The following HERC1 variants were observed in gnomAD, a reference collection of about 807,000 sequenced individuals.
HERC1 encodes HECT and RLD domain containing E3 ubiquitin protein ligase family member 1.
Under a neutral mutation model 554.3 loss-of-function variants are expected in HERC1, and 160 were observed. The observed-to-expected ratio is 0.29, with a 90% CI of 0.25 to 0.33. The LOEUF (loss-of-function observed/expected upper bound fraction) is 0.33, where lower values mean the gene tolerates loss of function less well. Ranked by LOEUF, HERC1 falls within the 10% of genes least tolerant of loss-of-function variation. The probability of loss-of-function intolerance (pLI) is 1.00; values close to 1 mark genes in which losing one functional copy is unlikely to be tolerated. For missense variants in HERC1, 4,919 were observed against 5,918.5 expected, an observed-to-expected ratio of 0.83 and a Z score of 5.54; for synonymous variants, 2,175 against 2,131.7, an observed-to-expected ratio of 1.02 and a Z score of -0.56.
At chr15:63,705,205 G>A (rs77844337) in intron 25 of HERC1, among the ~76,000 whole-genome samples, 2,648 of 152,134 alleles carry the variant, frequency 0.017, 66 homozygotes, top group African/African-American at 0.061. Context: ...ACAGGCTGGA[G>A]TGCAGTGGCA....
At chr15:63,795,888 C>T (rs1413232876) in intron 1 of HERC1, among the ~76,000 whole-genome samples, 1 of 152,168 alleles carries the variant, frequency 6.6e-6, no homozygotes, top group Non-Finnish European at 1.5e-5. Context: ...ATCAAGGAAG[C>T]AGGAAGTTAA....
chr15:63,727,740 G>C lies in HERC1; in HGVS notation c.3253C>G (p.Leu1085Val). 1.9e-6 allele frequency: 3 copies of C among 1,613,878 alleles called. No individual in the cohort carries two copies. Among genetic ancestry groups the C allele is most frequent in the Non-Finnish European group, 2.5e-6 (3 of 1,179,810 alleles). The stretch of plus-strand genomic sequence containing the variant: ...TCAAGAGGTGGCAACAAGTCGAGGA[G>C]GTAACTCAATAAAGGCCGAGCCACT... ...VSVARPLLSY[L>V]LDLLPPLDCL... The change falls in exon 17 of 78, where the codon CTC (leucine) becomes GTC (valine). Residue 1085 changes from leucine to valine, a missense_variant. Physicochemically the swap from Leu to Val is conservative, Grantham distance 32. This residue lies in a region of HERC1 where 1,121 missense variants were observed against 1,244.0 expected (regional missense o/e 0.90). Coordinates refer to ENST00000443617, the MANE Select transcript of HERC1 (RefSeq NM_003922.4). This position sits in a 1 kb window ranked among gnomAD's most constrained non-coding sequence, Gnocchi z 4.3.
rs1177792212 is a variant in HERC1 at position 63,635,945 on chromosome 15, C to T, written c.12414+16G>A. The T allele has an allele frequency of 6.2e-7, 1 of 1,611,540 alleles. No individual in the cohort carries two copies. Among genetic ancestry groups the T allele is most frequent in the Non-Finnish European group, 8.5e-7 (1 of 1,178,682 alleles). On this transcript the variant is annotated intron_variant, in intron 65 of 77. Coordinates refer to ENST00000443617, the MANE Select transcript of HERC1 (RefSeq NM_003922.4). Reference sequence around the variant, plus strand: ...TATTTACAATGAAAGGCAAACTTATCCATTTCCTGCCTGACCTGCACCACT... The same window carrying T: ...TATTTACAATGAAAGGCAAACTTATTCATTTCCTGCCTGACCTGCACCACT...
chr15:63,746,301 C>T (rs1428359738), intron 12 of HERC1, among the ~76,000 whole-genome samples: 1 of 152,016 alleles, frequency 6.6e-6, no homozygotes, highest in Non-Finnish European at 1.5e-5. Context: ...TTTAGGAGTG[C>T]ACTGGTTTAA....
chr15:63,658,232 T>A (rs1027035677), intron 48 of HERC1, among the ~76,000 whole-genome samples: 2 of 152,196 alleles, frequency 1.3e-5, no homozygotes, highest in African/African-American at 4.8e-5. Context: ...AGACGGTCAA[T>A]ACATTTTGAC....
At chr15:63,710,131 G>A (rs1376601747) in intron 24 of HERC1, among the ~76,000 whole-genome samples, 1 of 152,206 alleles carries the variant, frequency 6.6e-6, no homozygotes, top group African/African-American at 2.4e-5. Flanking sequence ...CAGAATCTTT[G>A]ATTTCCGAGT....
In HERC1 at chr15:63,698,725, T is replaced by C. The variant is rs1288608298; in HGVS notation, c.4905+3A>G. 1 of 1,611,634 alleles carries C rather than the reference T, an allele frequency of 6.2e-7. No homozygotes were observed. Among genetic ancestry groups the C allele is most frequent in the Non-Finnish European group, 8.5e-7 (1 of 1,178,648 alleles). ...TCATAAGGAGTAAATATCAAAGACTTACTTCTGCCCTTAACTGCTGCTGTT... is the reference window on the plus strand; with the variant it reads ...TCATAAGGAGTAAATATCAAAGACTCACTTCTGCCCTTAACTGCTGCTGTT... On this transcript the variant is annotated splice_donor_region_variant and intron_variant, in intron 26 of 77. Transcript: ENST00000443617.
chr15:63,820,444 T>C lies in HERC1; in HGVS notation c.-27+13383A>G, dbSNP rs184547615. Among the ~76,000 whole-genome samples the C allele has an allele frequency of 2.6e-5, 4 of 152,346 alleles. No individual in the cohort carries two copies. The East Asian group carries it at 5.8e-4, about 22-fold the overall frequency. Reference sequence around the variant, plus strand: ...ACGATGCTTCTAAATTTTATTAACATTGAAATATAATCTTCCTAGTTCTAA... The same window carrying C: ...ACGATGCTTCTAAATTTTATTAACACTGAAATATAATCTTCCTAGTTCTAA... On this transcript the variant is annotated intron_variant, in intron 1 of 77. Coordinates refer to ENST00000443617, the MANE Select transcript of HERC1 (RefSeq NM_003922.4).
intron 3 of HERC1, among the ~76,000 whole-genome samples, chr15:63,759,376 C>T (rs750027406): frequency 1.6e-4 from 24 of 152,154 alleles, no homozygotes; most frequent in Non-Finnish European, 3.4e-4. Flanking sequence ...AAGTCTGTTG[C>T]CATTCAAAAG....
In HERC1 at chr15:63,689,653, G is replaced by GTC; in HGVS notation, c.5982_5983dup (p.Thr1995ArgfsTer13). 6.3e-7 allele frequency: 1 copy of GTC among 1,589,868 alleles called. No homozygotes were observed. The highest frequency in any genetic ancestry group is 8.6e-7 in the Non-Finnish European group (1 of 1,166,770). On this transcript the variant is annotated frameshift_variant, in exon 33 of 78. Coordinates refer to ENST00000443617, the MANE Select transcript of HERC1 (RefSeq NM_003922.4). LOFTEE classifies it high-confidence loss of function. ...AGCATGTTTGGCCTGAGCAATGGGT[G>GTC]TCTCCCACATACAATCAGAGAGAAG...
Position 63,728,699 on chromosome 15 carries a change from T to C in HERC1, c.3154+537A>G, listed in dbSNP as rs1432938219. Among the ~76,000 whole-genome samples, 12 of 152,152 alleles carry C rather than the reference T, an allele frequency of 7.9e-5. No individual in the cohort carries two copies. The East Asian group carries it at 2.1e-3, about 27-fold the overall frequency. On this transcript the variant is annotated intron_variant, in intron 16 of 77. Coordinates refer to ENST00000443617, the MANE Select transcript of HERC1 (RefSeq NM_003922.4). ...ATATGTAAATGGTTGTTAAAGACAC[T>C]GAGACTAGATAAGACCATTGGGGGA...
In HERC1 at chr15:63,789,078, G is replaced by GTTTT. The variant is rs71131178; in HGVS notation, c.-26-13433_-26-13430dup. On this transcript the variant is annotated intron_variant, in intron 1 of 77. Transcript: ENST00000443617. The stretch of plus-strand genomic sequence containing the variant: ...TCTACTAATAAAGCAGGAATAAAAG[G>GTTTT]TTTTTTTTTTTTTTTTTTTTTTTTT... Among the ~76,000 whole-genome samples, 9 of 83,610 alleles carry GTTTT rather than the reference G, an allele frequency of 1.1e-4. No individual in the cohort carries two copies. The East Asian group carries it at 1.5e-3, about 14-fold the overall frequency. 54.9% of individuals were successfully genotyped at this position (83,610 alleles called of 152,430 possible).
Position 63,775,729 on chromosome 15 carries a change from A to G in HERC1, c.-26-80T>C. The G allele has an allele frequency of 3.1e-6, 3 of 982,994 alleles. No individual in the cohort carries two copies. The highest frequency in any genetic ancestry group is 5.1e-5 in the Admixed American group (2 of 39,422). The allele number at this position is 982,994 out of a possible 1,614,324, so 60.9% of individuals were successfully genotyped here. ...TTCCAAAATTTCATCTTACATTACA[A>G]TTAATGATTTCAAACTGGTGAAATG... On this transcript the variant is annotated intron_variant, in intron 1 of 77. Coordinates refer to ENST00000443617, the MANE Select transcript of HERC1 (RefSeq NM_003922.4). This position sits in a 1 kb window ranked among gnomAD's most constrained non-coding sequence, Gnocchi z 4.0.
rs147572174 is a variant in HERC1 at position 63,698,709 on chromosome 15, G to C, written c.4905+19C>G. ...TAAGTTTCCAGAGCTCTCATAAGGA[G>C]TAAATATCAAAGACTTACTTCTGCC... On this transcript the variant is annotated intron_variant, in intron 26 of 77. Transcript: ENST00000443617. 8.1e-6 allele frequency: 13 copies of C among 1,606,364 alleles called. No individual in the cohort carries two copies. The East Asian group carries it at 2.9e-4, about 36-fold the overall frequency.
intron 37 of HERC1, 37 bp from the exon 38 acceptor site, chr15:63,675,154 G>C (rs755508673): frequency 6.6e-7 from 1 of 1,521,126 alleles, no homozygotes; most frequent in Non-Finnish European, 8.9e-7. Context: ...GAAGAAGCAA[G>C]TGAGGGAAAG....
chr15:63,721,505 G>A (rs982230694), intron 19 of HERC1, among the ~76,000 whole-genome samples: 2 of 151,952 alleles, frequency 1.3e-5, no homozygotes, highest in Non-Finnish European at 2.9e-5. Flanking sequence ...CAGCCTGGAC[G>A]ATAAGAGGAG....
At chr15:63,625,452 G>C (rs2068261378) in intron 71 of HERC1, among the ~76,000 whole-genome samples, 1 of 152,126 alleles carries the variant, frequency 6.6e-6, no homozygotes, top group African/African-American at 2.4e-5. Context: ...CAGCACTTTG[G>C]GAGGTGGAGG....
rs1183689290 is a variant in HERC1 at position 63,649,754 on chromosome 15, C to T, written c.10718G>A (p.Arg3573Gln). 1.9e-6 allele frequency: 3 copies of T among 1,613,628 alleles called. No individual in the cohort carries two copies. Among genetic ancestry groups the T allele is most frequent in the East Asian group, 4.5e-5 (2 of 44,848 alleles). Residue 3573 changes from arginine to glutamine, a missense_variant, in exon 54 of 78, where the codon CGA becomes CAA. Transcript: ENST00000443617. ...EVVDVSTMHR[R>Q]ELEHCYRKDV... ...CTTTCGATAGCAATGCTCCAATTCT[C>T]GACGGTGCATGGTGGACACATCAAC...
At chr15:63,765,546 G>A (rs1169894905) in intron 2 of HERC1, among the ~76,000 whole-genome samples, 1 of 152,088 alleles carries the variant, frequency 6.6e-6, no homozygotes, top group Non-Finnish European at 1.5e-5. Flanking sequence ...CTCTAAGCCT[G>A]CTACTTGGAG....
Sources: gnomAD v4.1 joint callset for allele counts (sites outside exome capture counted in the v4.1 genomes callset) on GRCh38, gnomAD v4.1.1 for gene constraint, gnomAD v4.1.1 regional missense constraint, Gnocchi (gnomAD v3.1) non-coding constraint, MANE v1.5 for transcripts, NCBI Gene and HGNC (gene_info 2026-07-23, HGNC 2026-07-21) for gene names.